Variants in ST18 observed in about 807,000 individuals in gnomAD.
ST18 encodes the protein suppression of tumorigenicity 18 protein.
A neutral mutation model predicts 110.0 loss-of-function variants in ST18; 50 were observed. The observed-to-expected ratio is 0.45, with a 90% CI of 0.36 to 0.58. ST18 has a LOEUF of 0.58. Ranked by LOEUF, ST18 falls within the 20% of genes least tolerant of loss-of-function variation. ST18 has a pLI of 0.00. For synonymous variants in ST18, 461 were observed against 452.4 expected, an observed-to-expected ratio of 1.02 and a Z score of -0.24; for missense variants, 1,306 against 1,280.1, an observed-to-expected ratio of 1.02 and a Z score of -0.31.
At chr8:52,328,534 T>A (rs1208351237) in intron 2 of ST18, among the ~76,000 whole-genome samples, 1 of 152,186 alleles carries the variant, frequency 6.6e-6, no homozygotes, top group East Asian at 1.9e-4. Context: ...GTGTTCACAC[T>A]TCCAGGATTT....
intron 2 of ST18, among the ~76,000 whole-genome samples, chr8:52,369,775 C>T (rs1019720970): frequency 6.6e-6 from 1 of 152,154 alleles, no homozygotes; most frequent in East Asian, 1.9e-4. Context: ...ATATTAGTGG[C>T]CTTTTTCATT....
At chr8:52,192,769 C>T (rs749869387) in intron 8 of ST18, among the ~76,000 whole-genome samples, 7 of 152,296 alleles carry the variant, frequency 4.6e-5, no homozygotes, top group Middle Eastern at 3.4e-3. Flanking sequence ...AATCTAGGTC[C>T]TGTAGGTCTG....
intron 8 of ST18, among the ~76,000 whole-genome samples, chr8:52,198,514 G>A (rs17220174): frequency 0.14 from 21,597 of 152,136 alleles, 2,055 homozygotes; most frequent in Middle Eastern, 0.29. Flanking sequence ...CCACTTCACT[G>A]GAACATTGCA....
intron 8 of ST18, among the ~76,000 whole-genome samples, chr8:52,201,616 A>T (rs1310043817): frequency 1.2e-5 from 1 of 83,096 alleles, no homozygotes; most frequent in East Asian, 2.5e-4. Context: ...ACAAAAAACA[A>T]AAAAACAAAA....
chr8:52,187,292 GA>G (rs2072680739), intron 8 of ST18, among the ~76,000 whole-genome samples: 1 of 152,180 alleles, frequency 6.6e-6, no homozygotes, highest in African/African-American at 2.4e-5. Flanking sequence ...ATAATATCCT[GA>G]GGTTGGTACT....
chr8:52,405,948 G>A (rs546073122), intron 2 of ST18: 1 of 152,204 alleles, frequency 6.6e-6, no homozygotes, highest in East Asian at 1.9e-4. Flanking sequence ...TGAGTTCGAC[G>A]TGGAGTTGAT....
intron 2 of ST18, among the ~76,000 whole-genome samples, chr8:52,289,551 C>T (rs1047922669): frequency 3.9e-5 from 6 of 152,170 alleles, no homozygotes; most frequent in African/African-American, 1.4e-4. Context: ...GGAAGTTTTG[C>T]CCATAATACC....
At chr8:52,349,871 G>A (rs556682337) in intron 2 of ST18, among the ~76,000 whole-genome samples, 72 of 152,264 alleles carry the variant, frequency 4.7e-4, no homozygotes, top group African/African-American at 1.7e-3. Flanking sequence ...AGGGAGAGTA[G>A]GGGGTCAGGG....
chr8:52,160,900 T>G (rs994600006), intron 14 of ST18, among the ~76,000 whole-genome samples: 9 of 152,366 alleles, frequency 5.9e-5, no homozygotes, highest in Admixed American at 5.9e-4. Flanking sequence ...AATTGTTTCT[T>G]AGACTTCTCA....
At chr8:52,241,261 T>C (rs2093374253) in intron 2 of ST18, among the ~76,000 whole-genome samples, 1 of 152,236 alleles carries the variant, frequency 6.6e-6, no homozygotes, top group African/African-American at 2.4e-5. Flanking sequence ...CTCAATATGT[T>C]TGTTGAATGG....
At chr8:52,119,430 G>C (rs2043804950) in intron 23 of ST18, among the ~76,000 whole-genome samples, 1 of 152,128 alleles carries the variant, frequency 6.6e-6, no homozygotes, top group Non-Finnish European at 1.5e-5. Context: ...TCCACGTAGA[G>C]ACTTCATAGG....
intron 2 of ST18, among the ~76,000 whole-genome samples, chr8:52,316,187 T>C (rs988852866): frequency 1.3e-5 from 2 of 152,244 alleles, no homozygotes; most frequent in Non-Finnish European, 2.9e-5. Context: ...GTTTATTAAG[T>C]TATCCCATAA....
At chr8:52,210,681 T>TAACTAA (rs1407063657) in intron 8 of ST18, among the ~76,000 whole-genome samples, 2 of 151,630 alleles carry the variant, frequency 1.3e-5, no homozygotes, top group East Asian at 3.9e-4. Context: ...AAAAAATAAA[T>TAACTAA]AAATAAAAAT....
intron 8 of ST18, among the ~76,000 whole-genome samples, chr8:52,195,309 G>C (rs2075851917): frequency 6.6e-6 from 1 of 152,080 alleles, no homozygotes; most frequent in Non-Finnish European, 1.5e-5. Context: ...ATTTTTGTTT[G>C]CTAGTAAATT....
At chr8:52,145,341 G>A (rs908752799) in intron 16 of ST18, among the ~76,000 whole-genome samples, 13 of 152,094 alleles carry the variant, frequency 8.5e-5, no homozygotes, top group Non-Finnish European at 1.6e-4. Flanking sequence ...ATGTGGTAAT[G>A]TTTCAACAGG....
intron 2 of ST18, among the ~76,000 whole-genome samples, chr8:52,397,713 A>G (rs1246495587): frequency 6.6e-6 from 1 of 152,110 alleles, no homozygotes; most frequent in Non-Finnish European, 1.5e-5. Flanking sequence ...CTATCCTTTA[A>G]CCATTATGTC....
At chr8:52,199,609 G>A (rs1003732712) in intron 8 of ST18, 5 of 152,152 alleles carry the variant, frequency 3.3e-5, no homozygotes, top group African/African-American at 1.2e-4. Flanking sequence ...TGAACTATAA[G>A]CTTAATTTTG....
intron 17 of ST18, 56 bp downstream of exon 17, chr8:52,142,874 T>A: frequency 7.8e-7 from 1 of 1,285,526 alleles, no homozygotes; most frequent in Non-Finnish European, 1.1e-6. Flanking sequence ...CTTTAAGTCA[T>A]GAACTTGAAT....
At chr8:52,191,836 C>A (rs1209832106) in intron 8 of ST18, among the ~76,000 whole-genome samples, 1 of 152,118 alleles carries the variant, frequency 6.6e-6, no homozygotes, top group Non-Finnish European at 1.5e-5. Context: ...GCTAGTCAGG[C>A]AGGGACAAGG....
Sources: gnomAD v4.1 joint callset for allele counts (sites outside exome capture counted in the v4.1 genomes callset) on GRCh38, gnomAD v4.1.1 for gene constraint, MANE v1.5 for transcripts, NCBI Gene and HGNC (gene_info 2026-07-23, HGNC 2026-07-21) for gene names.